The following CLASP2 variants were observed in gnomAD, a reference collection of about 807,000 sequenced individuals.
The protein encoded by CLASP2 is CLIP-associating protein 2.
A neutral mutation model predicts 194.4 loss-of-function variants in CLASP2; 47 were observed. That is an observed-to-expected ratio of 0.24 (90% CI 0.19 to 0.31). CLASP2 has a LOEUF of 0.31. Ranked by LOEUF, CLASP2 falls within the 10% of genes least tolerant of loss-of-function variation. The pLI is 1.00. For synonymous variants in CLASP2, 619 were observed against 633.5 expected (o/e 0.98, Z 0.34); for missense variants, 1,445 against 1,823.6 (o/e 0.79, Z 3.78).
At chr3:33,537,625 T>C (rs1211893815) in intron 33 of CLASP2, among the ~76,000 whole-genome samples, 4 of 152,174 alleles carry the variant, frequency 2.6e-5, no homozygotes, top group Non-Finnish European at 4.4e-5. Context: ...TGTAAGAATG[T>C]TGTAGGTTAT....
intron 2 of CLASP2, among the ~76,000 whole-genome samples, chr3:33,690,883 T>C (rs1360949528): frequency 6.6e-6 from 1 of 152,190 alleles, no homozygotes; most frequent in Non-Finnish European, 1.5e-5. Context: ...CCCAGTCTTC[T>C]TGGCATCAGG....
At chr3:33,562,693 T>A (rs1195047755) in intron 27 of CLASP2, among the ~76,000 whole-genome samples, 1 of 152,222 alleles carries the variant, frequency 6.6e-6, no homozygotes, top group Non-Finnish European at 1.5e-5. Flanking sequence ...AACACTTGTC[T>A]ATGCTCCTGA....
At chr3:33,582,452 C>T (rs1023354883) in intron 22 of CLASP2, among the ~76,000 whole-genome samples, 1 of 151,974 alleles carries the variant, frequency 6.6e-6, no homozygotes, top group Non-Finnish European at 1.5e-5. Context: ...GCTGGGAGAT[C>T]GAGATCAGTC....
chr3:33,707,110 T>C (rs915857197), intron 1 of CLASP2, among the ~76,000 whole-genome samples: 1 of 152,146 alleles, frequency 6.6e-6, no homozygotes, highest in Admixed American at 6.6e-5. Flanking sequence ...GAAAAAAAGA[T>C]CAAGAGCTTC....
At chr3:33,696,989 C>T in intron 1 of CLASP2, 56 bp from the exon 2 acceptor site, 2 of 920,154 alleles carry the variant, frequency 2.2e-6, no homozygotes, top group Non-Finnish European at 3.4e-6. Flanking sequence ...ACTTTAATAT[C>T]AGTATTTAAT....
intron 23 of CLASP2, among the ~76,000 whole-genome samples, chr3:33,579,049 C>G (rs560153287): frequency 1.3e-5 from 2 of 152,122 alleles, no homozygotes; most frequent in African/African-American, 4.8e-5. Flanking sequence ...ATAGCAAGAA[C>G]AACTTAATCT....
chr3:33,515,942 A>G (rs1233805452), intron 36 of CLASP2, 81 bp downstream of exon 36: 2 of 1,365,616 alleles, frequency 1.5e-6, no homozygotes, highest in Non-Finnish European at 2.0e-6. Context: ...AAAATCATTA[A>G]TAAGGCTACA....
intron 5 of CLASP2, among the ~76,000 whole-genome samples, chr3:33,685,379 A>G (rs1019084503): frequency 6.7e-6 from 1 of 148,168 alleles, no homozygotes; most frequent in African/African-American, 2.5e-5. Context: ...TCCTATCTGT[A>G]GTAAGATTAT....
chr3:33,689,911 C>A lies in CLASP2; in HGVS notation c.296G>T (p.Arg99Ile). Residue 99 changes from arginine (R) to isoleucine (I), a missense_variant, in exon 3 of 39, where the codon AGA becomes ATA. Coordinates refer to ENST00000682230, the MANE Select transcript of CLASP2 (RefSeq NM_001365631.1). The part of the protein sequence containing the change: ...VAMVIVALID[R>I]MGDAKDKVRD... ...AACCTTGTCTTTGGCATCTCCCATT[C>A]TGTCTATTAAAGCTACAATAACTAA... The A allele has an allele frequency of 6.3e-7, 1 of 1,592,862 alleles. No homozygotes were observed. Among genetic ancestry groups the A allele is most frequent in the Non-Finnish European group, 8.5e-7 (1 of 1,170,034 alleles).
chr3:33,634,885 A>G (rs1267414141), intron 8 of CLASP2, among the ~76,000 whole-genome samples: 1 of 152,210 alleles, frequency 6.6e-6, no homozygotes, highest in Non-Finnish European at 1.5e-5. Flanking sequence ...TTCATTGCTA[A>G]GCACTAGCAA....
intron 28 of CLASP2, among the ~76,000 whole-genome samples, chr3:33,559,837 T>G (rs1396161896): frequency 1.3e-5 from 2 of 151,952 alleles, no homozygotes; most frequent in Non-Finnish European, 2.9e-5. Flanking sequence ...GAGGTTGCAG[T>G]GAGCCGAGAT....
intron 30 of CLASP2, among the ~76,000 whole-genome samples, chr3:33,550,183 C>A (rs1367902361): frequency 6.6e-6 from 1 of 151,930 alleles, no homozygotes; most frequent in Non-Finnish European, 1.5e-5. Context: ...GTGGGCAGAT[C>A]ACTTGAGGAC....
At chr3:33,601,423 T>C (rs978711994) in intron 18 of CLASP2, among the ~76,000 whole-genome samples, 4 of 152,226 alleles carry the variant, frequency 2.6e-5, no homozygotes, top group Non-Finnish European at 5.9e-5. Context: ...TTGATATATG[T>C]AGAATTTTTT....
At chr3:33,549,315 C>G (rs1213269997) in intron 30 of CLASP2, among the ~76,000 whole-genome samples, 1 of 152,068 alleles carries the variant, frequency 6.6e-6, no homozygotes, top group Non-Finnish European at 1.5e-5. Flanking sequence ...GGTGGTGAAT[C>G]GATTACTGAT....
intron 1 of CLASP2, among the ~76,000 whole-genome samples, chr3:33,697,656 A>G (rs1211142053): frequency 6.6e-6 from 1 of 152,224 alleles, no homozygotes; most frequent in Non-Finnish European, 1.5e-5. Flanking sequence ...CTCTTTAATT[A>G]CAGAGGAATT....
chr3:33,654,553 A>T (rs1253244407), intron 7 of CLASP2, among the ~76,000 whole-genome samples: 1 of 152,178 alleles, frequency 6.6e-6, no homozygotes, highest in Admixed American at 6.5e-5. Context: ...CTAAACTAAT[A>T]AAGGGGAAAA....
At chr3:33,644,608 C>A (rs1286856685) in intron 8 of CLASP2, 149 bp downstream of exon 8, 3 of 776,130 alleles carry the variant, frequency 3.9e-6, no homozygotes, top group Admixed American at 4.7e-5. Context: ...TTCAAAAGGG[C>A]ATCGTATTCT....
At chr3:33,528,689 G>A (rs1365022604) in intron 34 of CLASP2, among the ~76,000 whole-genome samples, 1 of 152,008 alleles carries the variant, frequency 6.6e-6, no homozygotes, top group African/African-American at 2.4e-5. Flanking sequence ...TTGAACCCAG[G>A]AGGCAGAGGT....
rs2064144275 is a variant in CLASP2 at position 33,573,248 on chromosome 3, T to C, written c.2561A>G (p.Asn854Ser). 1 of 1,613,862 alleles carries C rather than the reference T, an allele frequency of 6.2e-7. No individual in the cohort carries two copies. Among genetic ancestry groups the C allele is most frequent in the African/African-American group, 1.3e-5 (1 of 74,938 alleles). Residue 854 changes from asparagine (N) to serine (S), a missense_variant, in exon 25 of 39, where the codon AAT becomes AGT. Physicochemically the swap from Asn to Ser is conservative, Grantham distance 46 (BLOSUM62 1). Transcript: ENST00000682230. ...ACSERSYSSR[N>S]GSIPTYMRQT... Reference sequence around the variant, plus strand: ...CCTCATATATGTAGGAATACTACCATTTCGAGAACTATAGGAGCGTTCTGA... The same window carrying C: ...CCTCATATATGTAGGAATACTACCACTTCGAGAACTATAGGAGCGTTCTGA...
Sources: gnomAD v4.1 joint callset for allele counts (sites outside exome capture counted in the v4.1 genomes callset) on GRCh38, gnomAD v4.1.1 for gene constraint, MANE v1.5 for transcripts, NCBI Gene and HGNC (gene_info 2026-07-23, HGNC 2026-07-21) for gene names.